Variants in RIC1 observed in about 807,000 individuals in gnomAD.
RIC1 encodes the protein guanine nucleotide exchange factor subunit RIC1.
RIC1 carries 88 observed loss-of-function variants against 169.0 expected under a neutral mutation model. The ratio of observed to expected loss-of-function variants is 0.52; its 90% CI spans 0.44 to 0.62. RIC1 has a LOEUF of 0.62. RIC1 is among the 20% of genes least tolerant of loss of function. The pLI is 0.00. For missense variants in RIC1, 1,877 were observed against 1,725.5 expected, an observed-to-expected ratio of 1.09 and a Z score of -1.56; for synonymous variants, 790 against 601.5, an observed-to-expected ratio of 1.31 and a Z score of -4.59.
intron 1 of RIC1, among the ~76,000 whole-genome samples, chr9:5,641,782 T>C (rs564488422): frequency 6.9e-6 from 1 of 143,902 alleles, no homozygotes; most frequent in East Asian, 1.9e-4. Context: ...AAAATTTAAA[T>C]TTCTTTGTTT....
At chr9:5,650,470 C>T (rs1818744650) in intron 1 of RIC1, among the ~76,000 whole-genome samples, 1 of 151,972 alleles carries the variant, frequency 6.6e-6, no homozygotes, top group African/African-American at 2.4e-5. Flanking sequence ...AGAGCCTTGC[C>T]TCAGGGCATG....
At chr9:5,724,651 A>T (rs570789551) in intron 6 of RIC1, among the ~76,000 whole-genome samples, 21 of 152,274 alleles carry the variant, frequency 1.4e-4, no homozygotes, top group African/African-American at 4.6e-4. Context: ...TTTCAAAGGG[A>T]ATGCTTCCAG....
intron 1 of RIC1, among the ~76,000 whole-genome samples, chr9:5,629,702 A>G (rs967176087): frequency 2.6e-5 from 4 of 151,942 alleles, no homozygotes; most frequent in Non-Finnish European, 4.4e-5. Flanking sequence ...CCCGCGTTGG[A>G]CCGACGGCCG....
At chr9:5,759,870 C>G (rs1826224341) in intron 17 of RIC1, among the ~76,000 whole-genome samples, 1 of 152,074 alleles carries the variant, frequency 6.6e-6, no homozygotes, top group Admixed American at 6.6e-5. Flanking sequence ...TTATACTATT[C>G]TCCATACTTT....
At chr9:5,671,175 C>G (rs1820068148) in intron 2 of RIC1, among the ~76,000 whole-genome samples, 1 of 151,982 alleles carries the variant, frequency 6.6e-6, no homozygotes, top group African/African-American at 2.4e-5. Context: ...TAATGTCTTG[C>G]TAAACAGATG....
intron 6 of RIC1, among the ~76,000 whole-genome samples, chr9:5,724,736 T>C (rs1001741170): frequency 6.6e-5 from 10 of 152,234 alleles, no homozygotes; most frequent in Admixed American, 4.6e-4. Context: ...GTCCCATCAA[T>C]ACCTAGTTTA....
intron 3 of RIC1, among the ~76,000 whole-genome samples, chr9:5,701,488 A>C (rs1056841680): frequency 1.3e-5 from 2 of 151,884 alleles, no homozygotes; most frequent in Non-Finnish European, 2.9e-5. Context: ...AATCCCGGCT[A>C]CTCAGGAGGC....
At chr9:5,765,144 G>T in intron 19 of RIC1, 1 of 298,290 alleles carries the variant, frequency 3.4e-6, no homozygotes, top group Non-Finnish European at 6.2e-6. Context: ...ATGCCTATCT[G>T]CAGAGTCACT....
intron 12 of RIC1, among the ~76,000 whole-genome samples, chr9:5,751,225 G>T (rs1354086416): frequency 6.6e-6 from 1 of 151,642 alleles, no homozygotes; most frequent in Non-Finnish European, 1.5e-5. Flanking sequence ...GTTATACTCA[G>T]GTACATCCTC....
intron 3 of RIC1, among the ~76,000 whole-genome samples, chr9:5,694,053 A>G (rs1351382075): frequency 6.6e-6 from 1 of 152,158 alleles, no homozygotes; most frequent in Non-Finnish European, 1.5e-5. Flanking sequence ...CCCTCCCCAT[A>G]TAATTTCATC....
intron 2 of RIC1, among the ~76,000 whole-genome samples, chr9:5,680,759 C>A (rs1041991505): frequency 6.7e-6 from 1 of 149,716 alleles, no homozygotes; most frequent in African/African-American, 2.5e-5. Flanking sequence ...ATTAGTCTTG[C>A]TAGCGGTCTA....
intron 15 of RIC1, among the ~76,000 whole-genome samples, chr9:5,755,221 G>A (rs1825936271): frequency 6.6e-6 from 1 of 152,110 alleles, no homozygotes. Context: ...CATGATATAA[G>A]AATGGCTGTC....
At chr9:5,710,402 C>T (rs1205164333) in intron 3 of RIC1, among the ~76,000 whole-genome samples, 1 of 152,170 alleles carries the variant, frequency 6.6e-6, no homozygotes, top group Non-Finnish European at 1.5e-5. Context: ...GTCTTTCACG[C>T]TTTGATATCC....
At chr9:5,688,001 C>G (rs1043372675) in intron 2 of RIC1, among the ~76,000 whole-genome samples, 1 of 152,088 alleles carries the variant, frequency 6.6e-6, no homozygotes, top group Non-Finnish European at 1.5e-5. Flanking sequence ...TTCATCCAGC[C>G]AATGTCTTTT....
intron 8 of RIC1, among the ~76,000 whole-genome samples, chr9:5,739,325 G>A (rs1051949635): frequency 6.6e-6 from 1 of 151,960 alleles, no homozygotes; most frequent in Non-Finnish European, 1.5e-5. Context: ...TTAACTCCCC[G>A]AGCTGCAGCT....
At chr9:5,687,012 T>C (rs1821289291) in intron 2 of RIC1, among the ~76,000 whole-genome samples, 1 of 152,222 alleles carries the variant, frequency 6.6e-6, no homozygotes, top group East Asian at 1.9e-4. Flanking sequence ...ATTGGAATTA[T>C]AATTTCTTTA....
At chr9:5,654,372 G>A (rs951531785) in intron 1 of RIC1, among the ~76,000 whole-genome samples, 1 of 152,048 alleles carries the variant, frequency 6.6e-6, no homozygotes, top group Non-Finnish European at 1.5e-5. Context: ...ACATTCTCCC[G>A]AGTAGCTGGG....
intron 15 of RIC1, among the ~76,000 whole-genome samples, chr9:5,755,405 TTAA>T (rs1404487607): frequency 2.6e-5 from 4 of 152,196 alleles, no homozygotes; most frequent in Non-Finnish European, 4.4e-5. Flanking sequence ...TTGTAAGAGA[TTAA>T]TAATGACTAA....
In RIC1 at chr9:5,732,463, G is replaced by T. The variant is rs1347590233; in HGVS notation, c.796G>T (p.Ala266Ser). ...AGTAAATAACAAGTATCGACTAATG[G>T]CATTTGGCTGTGTGAGGTATAATTG... Reference protein sequence around the residue: ...VAVNNKYRLMAFGCVSGSVQV... With the variant: ...VAVNNKYRLMSFGCVSGSVQV... The change falls in exon 7 of 26, where the codon GCA becomes TCA. Residue 266 changes from alanine (A) to serine (S), a missense_variant. Physicochemically the swap from Ala to Ser is moderately conservative, Grantham distance 99. Transcript: ENST00000414202. 2 of 1,609,660 alleles carry T rather than the reference G, an allele frequency of 1.2e-6. No individual in the cohort carries two copies. The highest frequency in any genetic ancestry group is 1.7e-6 in the Non-Finnish European group (2 of 1,177,702).
Sources: gnomAD v4.1 joint callset for allele counts (sites outside exome capture counted in the v4.1 genomes callset) on GRCh38, gnomAD v4.1.1 for gene constraint, MANE v1.5 for transcripts, NCBI Gene and HGNC (gene_info 2026-07-23, HGNC 2026-07-21) for gene names.